Variants in SLC23A2 observed in about 807,000 individuals in gnomAD.
The protein encoded by SLC23A2 is Na(+)/L-ascorbic acid transporter 2.
A neutral mutation model predicts 73.3 loss-of-function variants in SLC23A2; 36 were observed. That is an observed-to-expected ratio of 0.49 (90% CI 0.38 to 0.65). The LOEUF is 0.65. Ranked by LOEUF, SLC23A2 falls within the 30% of genes least tolerant of loss-of-function variation. The pLI, the probability that SLC23A2 is intolerant of heterozygous loss-of-function variation, is 0.00. For missense variants in SLC23A2, 507 were observed against 841.6 expected (o/e 0.60, Z 4.92); for synonymous variants, 343 against 327.3 (o/e 1.05, Z -0.52).
chr20:5,006,279 A>G (rs1651045082), upstream of SLC23A2, among the ~76,000 whole-genome samples: 3 of 151,398 alleles, frequency 2.0e-5, no homozygotes, highest in African/African-American at 7.3e-5. Flanking sequence ...TTGTATTTTT[A>G]GTAGAGACAG....
At chr20:4,921,370 TCAGAAATTCGAGAC>T in intron 3 of SLC23A2, among the ~76,000 whole-genome samples, 1 of 152,230 alleles carries the variant, frequency 6.6e-6, no homozygotes, top group East Asian at 1.9e-4. Flanking sequence ...TCACTTGAGC[TCAGAAATTCGAGAC>T]CAGCCTAGGC....
In SLC23A2 at chr20:4,862,057, G is replaced by A; in HGVS notation, c.1515C>T (p.Asn505=). Reference sequence around the variant, plus strand: ...AAGAATTTAAATCAATGAACTGCAGGTTAGAGAGGCCAACAGCTGTGATCA... The same window carrying A: ...AAGAATTTAAATCAATGAACTGCAGATTAGAGAGGCCAACAGCTGTGATCA... ...FGMITAVGLS[N]LQFIDLNSSR... Residue 505 remains asparagine (N), a synonymous_variant, in exon 15 of 17, where the codon AAC becomes AAT. Transcript: ENST00000338244. The surrounding 1 kb of genome is among the most constrained non-coding windows in gnomAD (Gnocchi z 5.1). 6.2e-7 allele frequency: 1 copy of A among 1,614,110 alleles called. No individual in the cohort carries two copies. The highest frequency in any genetic ancestry group is 8.5e-7 in the Non-Finnish European group (1 of 1,179,970).
At chr20:4,889,636 C>A (rs1017443867) in intron 6 of SLC23A2, among the ~76,000 whole-genome samples, 3 of 151,562 alleles carry the variant, frequency 2.0e-5, no homozygotes, top group Admixed American at 2.0e-4. Context: ...TGTGTCCAGC[C>A]TCTATCTGCT....
At position 4,857,073 on chromosome 20, in the gene SLC23A2, A is replaced by G; in HGVS notation, c.1852T>C (p.Tyr618His). 5 of 1,614,054 alleles carry G rather than the reference A, an allele frequency of 3.1e-6. No individual in the cohort carries two copies. Among genetic ancestry groups the G allele is most frequent in the Non-Finnish European group, 4.2e-6 (5 of 1,179,914 alleles). The change falls in exon 17 of 17, where the codon TAC (tyrosine) becomes CAC (histidine). Residue 618 changes from tyrosine (Y) to histidine (H), a missense_variant. Around this residue, in one of 5 missense-constraint regions of SLC23A2, gnomAD observed 168 missense variants for 302.3 expected, o/e 0.56. Transcript: ENST00000338244. This position sits in a 1 kb window ranked among gnomAD's most constrained non-coding sequence, Gnocchi z 4.0. ...ACAAAGGTTGGGCTGATGGGTAAGT[A>G]GCTGAAGCATCTGTATTTTTTTATA... is the stretch of plus-strand genomic sequence containing the variant. ...NIIKKYRCFS[Y>H]LPISPTFVGY...
At chr20:4,920,275 C>T (rs565200279) in intron 3 of SLC23A2, among the ~76,000 whole-genome samples, 12 of 152,284 alleles carry the variant, frequency 7.9e-5, no homozygotes, top group African/African-American at 2.9e-4. Flanking sequence ...TAATGAGAAA[C>T]CTCTTTCTAC....
At position 4,971,632 on chromosome 20, in the gene SLC23A2, A is replaced by AT. The variant is rs1190648599; in HGVS notation, c.-281-714_-281-713insA. On this transcript the variant is annotated intron_variant, in intron 1 of 16. Transcript: ENST00000338244. ...CCTTGTCTCTACAAAAAAAAAAAAA[A>AT]AAAAATTATCTCGTCGTGGTGGCAC... Among the ~76,000 whole-genome samples the AT allele has an allele frequency of 3.6e-3, 540 of 151,704 alleles. 4 individuals carry two copies. Among genetic ancestry groups the AT allele is most frequent in the African/African-American group, 0.012 (502 of 41,328 alleles).
At chr20:4,911,171 C>G (rs1421828491) in intron 4 of SLC23A2, among the ~76,000 whole-genome samples, 1 of 152,146 alleles carries the variant, frequency 6.6e-6, no homozygotes, top group Non-Finnish European at 1.5e-5. Context: ...GTGGGATGTG[C>G]CTCAGCTGCA....
chr20:4,930,868 T>C (rs907578676), intron 3 of SLC23A2, among the ~76,000 whole-genome samples: 1 of 151,594 alleles, frequency 6.6e-6, no homozygotes, highest in Non-Finnish European at 1.5e-5. Context: ...GCATCCATAA[T>C]ACCAACTACT....
chr20:4,912,859 A>G, intron 4 of SLC23A2, 21 bp downstream of exon 4: 1 of 1,500,110 alleles, frequency 6.7e-7, no homozygotes, highest in East Asian at 2.3e-5. Flanking sequence ...GAGTGGGGAC[A>G]CGGGGTGACG....
chr20:4,883,411 C>T lies in SLC23A2; in HGVS notation c.824+231G>A, dbSNP rs780758784. ...CCCACTACCAAAGCTTAAAAACTTACAATCCACCCTCTTCATATTGCTGCT... is the reference window on the plus strand; with the variant it reads ...CCCACTACCAAAGCTTAAAAACTTATAATCCACCCTCTTCATATTGCTGCT... On this transcript the variant is annotated intron_variant, in intron 9 of 16. Transcript: ENST00000338244. This position sits in a 1 kb window ranked among gnomAD's most constrained non-coding sequence, Gnocchi z 4.5. Among the ~76,000 whole-genome samples the T allele has an allele frequency of 6.6e-6, 1 of 152,336 alleles. No individual in the cohort carries two copies. The highest frequency in any genetic ancestry group is 3.4e-3 in the Middle Eastern group (1 of 292).
At chr20:4,923,680 T>C (rs1373810873) in intron 3 of SLC23A2, among the ~76,000 whole-genome samples, 1 of 152,186 alleles carries the variant, frequency 6.6e-6, no homozygotes, top group Non-Finnish European at 1.5e-5. Flanking sequence ...CTGAGACTTT[T>C]CGTTTTAAGA....
chr20:4,918,607 C>T (rs1024346053), intron 3 of SLC23A2, among the ~76,000 whole-genome samples: 2 of 152,024 alleles, frequency 1.3e-5, no homozygotes, highest in Non-Finnish European at 2.9e-5. Context: ...GAAGTCATTG[C>T]CTAGAGGTGT....
intron 1 of SLC23A2, among the ~76,000 whole-genome samples, chr20:4,971,522 C>T (rs1351178178): frequency 2.7e-5 from 4 of 149,826 alleles, no homozygotes; most frequent in African/African-American, 7.4e-5. Context: ...GGGCCAGGCA[C>T]GGTGGTTCAC....
In SLC23A2 at chr20:4,874,637, G is replaced by A. The variant is rs554770096; in HGVS notation, c.884C>T (p.Pro295Leu). 2 of 1,611,684 alleles carry A rather than the reference G, an allele frequency of 1.2e-6. No individual in the cohort carries two copies. Among genetic ancestry groups the A allele is most frequent in the East Asian group, 2.2e-5 (1 of 44,834 alleles). ...QYARNVKFPLPIYKSKKGWTA... is the reference protein window; with the variant it reads ...QYARNVKFPLLIYKSKKGWTA... ...CCATCCTTTCTTGGATTTATAAATC[G>A]GGAGAGGAAATTTAACATTTCTGGC... Residue 295 changes from proline to leucine, a missense_variant, in exon 10 of 17, where the codon CCG (proline) becomes CTG (leucine). Pro to Leu is a moderately conservative substitution (Grantham distance 98, BLOSUM62 -3). Around this residue, in one of 5 missense-constraint regions of SLC23A2, gnomAD observed 217 missense variants for 398.0 expected, o/e 0.55. Coordinates refer to ENST00000338244, the MANE Select transcript of SLC23A2 (RefSeq NM_005116.6).
chr20:4,876,547 A>C (rs1439007800), intron 9 of SLC23A2, among the ~76,000 whole-genome samples: 1 of 152,210 alleles, frequency 6.6e-6, no homozygotes, highest in Non-Finnish European at 1.5e-5. Context: ...ACACATCTTA[A>C]CTGAGCAAAG....
intron 2 of SLC23A2, among the ~76,000 whole-genome samples, chr20:4,940,007 T>TA (rs928721315): frequency 1.3e-5 from 2 of 152,100 alleles, no homozygotes; most frequent in African/African-American, 2.4e-5. Context: ...AGGAGCTTGC[T>TA]AAAAAATCCT....
chr20:4,951,781 G>A (rs2087206313), intron 2 of SLC23A2, among the ~76,000 whole-genome samples: 1 of 152,152 alleles, frequency 6.6e-6, no homozygotes, highest in Non-Finnish European at 1.5e-5. Context: ...ATCATGATGT[G>A]TAATACACCT....
intron 6 of SLC23A2, among the ~76,000 whole-genome samples, chr20:4,892,509 A>G (rs555217495): frequency 6.6e-6 from 1 of 152,254 alleles, no homozygotes; most frequent in East Asian, 1.9e-4. Context: ...TTAATGTATG[A>G]TTTTAAATTC....
At chr20:4,906,835 A>AT (rs764585757) in intron 4 of SLC23A2, among the ~76,000 whole-genome samples, 12 of 152,040 alleles carry the variant, frequency 7.9e-5, no homozygotes, top group South Asian at 2.1e-4. Context: ...AGAGATTAAT[A>AT]TTTTTTTTAA....
Sources: gnomAD v4.1 joint callset for allele counts (sites outside exome capture counted in the v4.1 genomes callset) on GRCh38, gnomAD v4.1.1 for gene constraint, gnomAD v4.1.1 regional missense constraint, Gnocchi (gnomAD v3.1) non-coding constraint, MANE v1.5 for transcripts, NCBI Gene and HGNC (gene_info 2026-07-23, HGNC 2026-07-21) for gene names.